HECW1: variants seen among roughly 807,000 people sequenced by gnomAD.
HECW1 encodes E3 ubiquitin-protein ligase HECW1.
In HECW1, 61 loss-of-function variants were observed where a neutral mutation model predicts 182.3. The observed-to-expected ratio is 0.33, with a 90% CI of 0.27 to 0.41. The LOEUF (loss-of-function observed/expected upper bound fraction) is 0.41. Among genes scored for constraint, HECW1 ranks in the 10% least tolerant of loss-of-function variants. The pLI, the probability that HECW1 is intolerant of heterozygous loss-of-function variation, is 1.00. For synonymous variants in HECW1, 859 were observed against 832.6 expected, an observed-to-expected ratio of 1.03 and a Z score of -0.55; for missense variants, 1,739 against 2,108.9, an observed-to-expected ratio of 0.82 and a Z score of 3.44.
At chr7:43,517,714 A>C (rs2080231401) in intron 24 of HECW1, among the ~76,000 whole-genome samples, 1 of 151,926 alleles carries the variant, frequency 6.6e-6, no homozygotes, top group Non-Finnish European at 1.5e-5. Flanking sequence ...GGTAAGCCCC[A>C]GCCCCAGCCC....
intron 8 of HECW1, among the ~76,000 whole-genome samples, chr7:43,430,782 A>ATTAT (rs2076523269): frequency 6.8e-6 from 1 of 147,712 alleles, no homozygotes; most frequent in African/African-American, 2.5e-5. Context: ...ATTTTTCTTT[A>ATTAT]TTATTATTAT....
intron 2 of HECW1, among the ~76,000 whole-genome samples, chr7:43,216,902 A>G (rs1189190293): frequency 1.3e-5 from 2 of 152,096 alleles, no homozygotes; most frequent in Non-Finnish European, 2.9e-5. Context: ...TGATCCTCCC[A>G]TCTCAGCCTC....
At chr7:43,496,080 A>G (rs1355795198) in intron 19 of HECW1, among the ~76,000 whole-genome samples, 1 of 151,944 alleles carries the variant, frequency 6.6e-6, no homozygotes, top group African/African-American at 2.4e-5. Context: ...CATTACAACA[A>G]TCCAAGAAAC....
chr7:43,319,363 C>G (rs183697985), intron 4 of HECW1, among the ~76,000 whole-genome samples: 1 of 125,832 alleles, frequency 7.9e-6, no homozygotes, highest in Non-Finnish European at 1.6e-5. Flanking sequence ...GTCCGCAGTC[C>G]GGCCTGGGCG....
chr7:43,157,551 A>G (rs1583736324), intron 2 of HECW1, among the ~76,000 whole-genome samples: 2 of 152,272 alleles, frequency 1.3e-5, no homozygotes, highest in African/African-American at 2.4e-5. Context: ...TAAGGATAAA[A>G]TTGATATATT....
intron 8 of HECW1, among the ~76,000 whole-genome samples, chr7:43,422,997 G>A (rs538456535): frequency 1.4e-4 from 21 of 152,280 alleles, no homozygotes; most frequent in South Asian, 4.1e-4. Flanking sequence ...GCCCCAAGGC[G>A]TTGTAAACAA....
intron 16 of HECW1, 118 bp downstream of exon 16, chr7:43,469,223 G>A: frequency 1.9e-6 from 2 of 1,065,260 alleles, no homozygotes; most frequent in Admixed American, 2.1e-5. Context: ...TGTGCTATCG[G>A]CCGCCAGCAG....
At chr7:43,119,350 C>T (rs1239806872) in intron 2 of HECW1, among the ~76,000 whole-genome samples, 1 of 152,236 alleles carries the variant, frequency 6.6e-6, no homozygotes, top group East Asian at 1.9e-4. Context: ...CACCTGGCTT[C>T]TTCCAGGACA....
intron 24 of HECW1, among the ~76,000 whole-genome samples, chr7:43,523,611 C>G (rs1563088164): frequency 6.6e-6 from 1 of 151,970 alleles, no homozygotes; most frequent in Non-Finnish European, 1.5e-5. Flanking sequence ...TGCACTCCAG[C>G]CTGAGCAACA....
chr7:43,117,883 G>A (rs1447359375), intron 2 of HECW1: 1 of 152,538 alleles, frequency 6.6e-6, no homozygotes, highest in African/African-American at 2.4e-5. Context: ...TACACTGTTT[G>A]CATTATTTGT....
intron 2 of HECW1, among the ~76,000 whole-genome samples, chr7:43,202,013 G>A (rs1259293637): frequency 6.6e-6 from 1 of 152,166 alleles, no homozygotes; most frequent in Non-Finnish European, 1.5e-5. Context: ...GAGGTTCCTT[G>A]ATGATAATAA....
At chr7:43,306,996 A>G (rs1384327838) in intron 3 of HECW1, among the ~76,000 whole-genome samples, 1 of 152,216 alleles carries the variant, frequency 6.6e-6, no homozygotes, top group Non-Finnish European at 1.5e-5. Context: ...AAACATTTCA[A>G]CAATTACGAT....
intron 2 of HECW1, among the ~76,000 whole-genome samples, chr7:43,172,994 C>T (rs1205593524): frequency 2.6e-5 from 4 of 152,216 alleles, no homozygotes; most frequent in African/African-American, 9.6e-5. Flanking sequence ...TCCTGAGTCT[C>T]TCCAAAGCAG....
intron 26 of HECW1, among the ~76,000 whole-genome samples, chr7:43,549,007 C>A (rs1301134792): frequency 6.6e-6 from 1 of 152,194 alleles, no homozygotes; most frequent in African/African-American, 2.4e-5. Flanking sequence ...TTCCAGGTCT[C>A]CCCACTGCTA....
chr7:43,223,871 G>A (rs1797199171), intron 2 of HECW1, among the ~76,000 whole-genome samples: 1 of 152,186 alleles, frequency 6.6e-6, no homozygotes, highest in Non-Finnish European at 1.5e-5. Flanking sequence ...TACCCTGGCT[G>A]TGAATCCCCA....
intron 3 of HECW1, among the ~76,000 whole-genome samples, chr7:43,268,592 T>C (rs1366514070): frequency 6.6e-6 from 1 of 152,238 alleles, no homozygotes; most frequent in Non-Finnish European, 1.5e-5. Context: ...TGCCCCAAAA[T>C]GTTACCAGTG....
At chr7:43,430,532 C>T (rs2076512199) in intron 8 of HECW1, among the ~76,000 whole-genome samples, 1 of 152,106 alleles carries the variant, frequency 6.6e-6, no homozygotes, top group Non-Finnish European at 1.5e-5. Flanking sequence ...TTTGACTTTT[C>T]CCATGATTGG....
intron 24 of HECW1, among the ~76,000 whole-genome samples, chr7:43,520,620 AT>A (rs11453963): frequency 6.6e-6 from 1 of 151,616 alleles, no homozygotes; most frequent in South Asian, 2.1e-4. Context: ...CTCTTGAATT[AT>A]TTTTTTATTA....
chr7:43,531,855 G>A (rs1035650889), intron 24 of HECW1, among the ~76,000 whole-genome samples: 7 of 152,142 alleles, frequency 4.6e-5, no homozygotes, highest in Non-Finnish European at 7.3e-5. Flanking sequence ...CCCGAATGCT[G>A]CATCAATTAA....
Sources: gnomAD v4.1 joint callset for allele counts (sites outside exome capture counted in the v4.1 genomes callset) on GRCh38, gnomAD v4.1.1 for gene constraint, MANE v1.5 for transcripts, NCBI Gene and HGNC (gene_info 2026-07-23, HGNC 2026-07-21) for gene names.